CLEC17A: variants seen among roughly 807,000 people sequenced by gnomAD.
CLEC17A encodes the protein C-type lectin domain containing 17A.
Under a neutral mutation model 61.3 loss-of-function variants are expected in CLEC17A, and 37 were observed. The observed-to-expected ratio is 0.60, with a 90% CI of 0.46 to 0.79. CLEC17A has a LOEUF of 0.79. Ranked by LOEUF, CLEC17A falls within the 30% of genes least tolerant of loss-of-function variation. The probability of loss-of-function intolerance (pLI) is 0.00; values close to 1 mark genes in which losing one functional copy is unlikely to be tolerated. For missense variants in CLEC17A, 418 were observed against 464.7 expected (o/e 0.90, Z 0.92); for synonymous variants, 168 against 164.9 (o/e 1.02, Z -0.14).
chr19:14,596,835 G>A (rs746416862), intron 8 of CLEC17A, 41 bp from the exon 9 acceptor site: 2 of 1,598,208 alleles, frequency 1.3e-6, no homozygotes, highest in Middle Eastern at 2.1e-4. Flanking sequence ...ACTCTCTGAA[G>A]CCCCAGTATC....
At chr19:14,582,846 G>A (rs1264643430), upstream of CLEC17A, among the ~76,000 whole-genome samples, 1 of 151,942 alleles carries the variant, frequency 6.6e-6, no homozygotes, top group African/African-American at 2.4e-5. Flanking sequence ...GGCCTTAAGT[G>A]ATCCATCCAC....
chr19:14,595,513 C>T lies in CLEC17A; in HGVS notation c.445+198C>T, dbSNP rs536017897. ...ATTCCTTGACATCAGAGTTTGCAAA[C>T]GTGTATTCTTTTTTGTCCTTCTGAG... On this transcript the variant is annotated intron_variant, in intron 8 of 13. Transcript: ENST00000417570. 7.2e-5 allele frequency among the ~76,000 whole-genome samples: 11 copies of T among 152,278 alleles called. No individual in the cohort carries two copies. In the East Asian group the frequency reaches 1.5e-3, roughly 21 times the overall value.
At position 14,583,090 on chromosome 19, in the gene CLEC17A, C is replaced by T; in HGVS notation, c.-71C>T. The T allele has an allele frequency of 6.4e-7, 1 of 1,558,984 alleles. No individual in the cohort carries two copies. On this transcript the variant is annotated 5_prime_UTR_variant, in exon 1 of 14. Transcript: ENST00000417570. ...GGGAACTGAGAGAGCCCCCAGACGCCTGAGTCGGAGAGACAGGGGGCAGAG... is the reference window on the plus strand; with the variant it reads ...GGGAACTGAGAGAGCCCCCAGACGCTTGAGTCGGAGAGACAGGGGGCAGAG...
chr19:14,581,426 C>T (rs1330859097), upstream of CLEC17A, among the ~76,000 whole-genome samples: 2 of 152,002 alleles, frequency 1.3e-5, no homozygotes, highest in Non-Finnish European at 2.9e-5. Context: ...CGGGTTCAAG[C>T]GATTCTTCTG....
At chr19:14,600,587 C>CT (rs561577759) in intron 12 of CLEC17A, among the ~76,000 whole-genome samples, 8,414 of 145,302 alleles carry the variant, frequency 0.058, 739 homozygotes, top group African/African-American at 0.19. Flanking sequence ...CTTTTCTTTT[C>CT]TTTTTTTTTT....
intron 7 of CLEC17A, 106 bp downstream of exon 7, chr19:14,594,906 C>T (rs1357926078): frequency 9.6e-6 from 11 of 1,140,880 alleles, no homozygotes; most frequent in Non-Finnish European, 1.3e-5. Flanking sequence ...CAGAGTCTCA[C>T]TGTCATCCAG....
chr19:14,594,370 C>G (rs1046784625), intron 4 of CLEC17A, 147 bp from the exon 5 acceptor site: 1 of 975,244 alleles, frequency 1.0e-6, no homozygotes, highest in Non-Finnish European at 1.6e-6. Context: ...CCATCTCCAT[C>G]CCTAATCCCA....
At chr19:14,598,697 A>G (rs930029088) in intron 10 of CLEC17A, among the ~76,000 whole-genome samples, 2 of 151,780 alleles carry the variant, frequency 1.3e-5, no homozygotes, top group African/African-American at 4.8e-5. Flanking sequence ...CTGGTCTCGA[A>G]CTCCTGACCT....
At chr19:14,596,727 C>T (rs2074560342) in intron 8 of CLEC17A, 149 bp from the exon 9 acceptor site, 5 of 876,326 alleles carry the variant, frequency 5.7e-6, no homozygotes, top group Non-Finnish European at 8.5e-6. Context: ...AGGGTTCACT[C>T]TCCCTAACCC....
chr19:14,599,485 G>T (rs1035031773), intron 10 of CLEC17A, among the ~76,000 whole-genome samples: 1 of 152,034 alleles, frequency 6.6e-6, no homozygotes, highest in African/African-American at 2.4e-5. Flanking sequence ...CTTCTTTCAG[G>T]GTGCCCACCA....
chr19:14,596,728 T>G, intron 8 of CLEC17A, 148 bp from the exon 9 acceptor site: 1 of 881,336 alleles, frequency 1.1e-6, no homozygotes, highest in South Asian at 1.9e-5. Context: ...GGGTTCACTC[T>G]CCCTAACCCT....
chr19:14,607,418 T>C (rs533608133), intron 13 of CLEC17A, among the ~76,000 whole-genome samples: 15 of 151,612 alleles, frequency 9.9e-5, no homozygotes, highest in African/African-American at 3.6e-4. Flanking sequence ...TTAGCCAGGA[T>C]GGTCTTGATC....
chr19:14,593,176 A>G (rs2074461543), intron 4 of CLEC17A, among the ~76,000 whole-genome samples: 1 of 151,934 alleles, frequency 6.6e-6, no homozygotes, highest in Admixed American at 6.6e-5. Flanking sequence ...TGATCAGAGG[A>G]TATAAAAGTG....
At position 14,610,179 on chromosome 19, in the gene CLEC17A, C is replaced by G. The variant is rs373656699; in HGVS notation, c.1120C>G (p.Arg374Gly). ...CAAAACTACGTATTGGATTTGTGAG[C>G]GGAAATGTTCCTGTTGAAGCCCAGG... ...CYKTTYWICE[R>G]KCSC The change falls in exon 14 of 14, where the codon CGG (arginine) becomes GGG (glycine). Residue 374 changes from arginine to glycine, a missense_variant. Physicochemically the swap from Arg to Gly is moderately radical, Grantham distance 125. Coordinates refer to ENST00000417570, the MANE Select transcript of CLEC17A (RefSeq NM_001204118.2). The G allele has an allele frequency of 1.3e-6, 2 of 1,571,338 alleles. No individual in the cohort carries two copies. The highest frequency in any genetic ancestry group is 1.4e-5 in the African/African-American group (1 of 74,040).
rs1375760507 is a variant in CLEC17A at position 14,610,264 on chromosome 19, G to A, written c.*68G>A. The A allele has an allele frequency of 7.8e-6, 12 of 1,533,268 alleles. No individual in the cohort carries two copies. The highest frequency in any genetic ancestry group is 7.3e-5 in the East Asian group (3 of 40,884). The allele number at this position is 1,533,268 out of a possible 1,614,324, so 95.0% of individuals were successfully genotyped here. A position where few individuals can be genotyped will look rare whatever the true frequency, so the allele number is the denominator to read the frequency against. On this transcript the variant is annotated 3_prime_UTR_variant, in exon 14 of 14. Transcript: ENST00000417570. ...TGAGATGAGAATCTCCTGCCCTTTC[G>A]TGGACGGCCTTGCCTCTTCGTGAGT... is the stretch of plus-strand genomic sequence containing the variant.
chr19:14,609,663 C>A (rs1050320027), intron 13 of CLEC17A, among the ~76,000 whole-genome samples: 12 of 151,378 alleles, frequency 7.9e-5, no homozygotes, highest in Admixed American at 5.9e-4. Context: ...CATGGTGAAA[C>A]CCCGTCTCTA....
In CLEC17A at chr19:14,611,865, G is replaced by A. The variant is rs180762939; in HGVS notation, c.*1669G>A. On this transcript the variant is annotated 3_prime_UTR_variant, in exon 14 of 14. Coordinates refer to ENST00000417570, the MANE Select transcript of CLEC17A (RefSeq NM_001204118.2). ...AAAAATACAAAAAAATTAGCTGGGCGTGGTGGCATGTGCCTGTAATCCCAG... is the reference window on the plus strand; with the variant it reads ...AAAAATACAAAAAAATTAGCTGGGCATGGTGGCATGTGCCTGTAATCCCAG... 2.8e-4 allele frequency among the ~76,000 whole-genome samples: 42 copies of A among 152,142 alleles called. No individual in the cohort carries two copies. The highest frequency in any genetic ancestry group is 3.4e-3 in the Middle Eastern group (1 of 294).
At chr19:14,599,079 CTTTTTTTTTTTTTTT>C (rs796835309) in intron 10 of CLEC17A, among the ~76,000 whole-genome samples, 1 of 56,942 alleles carries the variant, frequency 1.8e-5, no homozygotes, top group Non-Finnish European at 3.3e-5. Flanking sequence ...TGTATCTTTG[CTTTTTTTTTTTTTTT>C]TTTTTTTTTT....
chr19:14,603,610 C>T (rs1415632115), intron 12 of CLEC17A, among the ~76,000 whole-genome samples: 1 of 151,790 alleles, frequency 6.6e-6, no homozygotes, highest in African/African-American at 2.4e-5. Context: ...TAGTCACGTG[C>T]CACCACTCCC....
Sources: allele counts gnomAD v4.1 joint callset (sites outside exome capture counted in the v4.1 genomes callset), GRCh38; gene constraint gnomAD v4.1.1; transcripts MANE v1.5; gene names NCBI Gene and HGNC (gene_info 2026-07-23, HGNC 2026-07-21).